UPRT: variants seen among roughly 807,000 people sequenced by gnomAD.
The protein encoded by UPRT is RP11-311P8.3.
In UPRT, 5 loss-of-function variants were observed where a neutral mutation model predicts 22.6. The ratio of observed to expected loss-of-function variants is 0.22; its 90% confidence interval spans 0.12 to 0.47. The LOEUF (loss-of-function observed/expected upper bound fraction) is 0.47, where lower values mean the gene tolerates loss of function less well. Ranked by LOEUF, UPRT falls within the 20% of genes least tolerant of loss-of-function variation. The pLI is 0.99. For synonymous variants in UPRT, 77 were observed against 87.7 expected (o/e 0.88, Z 0.68); for missense variants, 181 against 239.9 (o/e 0.75, Z 1.62).
At position 75,304,120 on chromosome X, in the gene UPRT, C is replaced by G. The variant is rs1374645964; in HGVS notation, c.*609C>G. 1 of 111,874 alleles carries G rather than the reference C, an allele frequency of 8.9e-6. No homozygotes were observed. The highest frequency in any genetic ancestry group is 3.3e-5 in the African/African-American group (1 of 30,739). 9.2% of individuals were successfully genotyped at this position (111,874 alleles called of 1,213,427 possible). A position where few individuals can be genotyped will look rare whatever the true frequency, so the allele number is the denominator to read the frequency against. ...TCCCAAACTGCATTGTTGGTAGGTG[C>G]CTTGCTAAGCTGTAATGCAGTGAAG... On this transcript the variant is annotated 3_prime_UTR_variant, in exon 7 of 7. Transcript: ENST00000373383.
At chrX:75,248,994 C>G (rs1372577349) in intron 4 of UPRT, among the ~76,000 whole-genome samples, 1 of 111,374 alleles carries the variant, frequency 9.0e-6, no homozygotes, top group Non-Finnish European at 1.9e-5. Flanking sequence ...AAATACTTTA[C>G]AGACAAGCAA....
intron 1 of UPRT, among the ~76,000 whole-genome samples, chrX:75,284,832 G>T (rs772922520): frequency 1.8e-4 from 20 of 111,695 alleles, no homozygotes; most frequent in Non-Finnish European, 3.2e-4. Context: ...TATGGAGAGG[G>T]ACTGGTGGTG....
intron 4 of UPRT, among the ~76,000 whole-genome samples, chrX:75,188,671 C>T (rs13362950): frequency 0.029 from 3,230 of 112,458 alleles, 117 homozygotes; most frequent in African/African-American, 0.1. Context: ...TAGCAATCAG[C>T]GAGACTTCGT....
chrX:75,254,221 G>A (rs769354168), intron 4 of UPRT, among the ~76,000 whole-genome samples: 17 of 111,631 alleles, frequency 1.5e-4, no homozygotes, highest in African/African-American at 5.2e-4. Context: ...CAGGAGGTTA[G>A]TTATTAACCT....
intron 4 of UPRT, among the ~76,000 whole-genome samples, chrX:75,262,052 CA>C (rs1408383629): frequency 9.0e-6 from 1 of 111,389 alleles, no homozygotes; most frequent in Non-Finnish European, 1.9e-5. Flanking sequence ...AGCTTACCCA[CA>C]AAAAGAAGCC....
rs1183821197 is a variant in UPRT at position 75,173,750 on chromosome X, G to T, written c.-447+5871G>T. ...GGTCCTGAGCCCTGCCCCGCGGGAA[G>T]GCAGCTAAGGCTCGGTGAGAAATTG... On this transcript the variant is annotated intron_variant, in intron 4 of 13. Transcript: ENST00000652605. Among the ~76,000 whole-genome samples the T allele has an allele frequency of 3.6e-5, 4 of 111,870 alleles. No individual in the cohort carries two copies. In the East Asian group the frequency reaches 1.1e-3, roughly 32 times the overall value.
chrX:75,210,705 G>A (rs1162464071), intron 4 of UPRT, among the ~76,000 whole-genome samples: 2 of 109,283 alleles, frequency 1.8e-5, no homozygotes, highest in African/African-American at 6.7e-5. Context: ...TTGCCAGGTT[G>A]AAATTAGAGG....
rs1434326772 is a variant in UPRT at position 75,232,986 on chromosome X, C to A, written c.-446-58038C>A. Among the ~76,000 whole-genome samples, 4 of 111,678 alleles carry A rather than the reference C, an allele frequency of 3.6e-5. No individual in the cohort carries two copies. The East Asian group carries it at 1.1e-3, about 31-fold the overall frequency. On this transcript the variant is annotated intron_variant, in intron 4 of 13. Transcript: ENST00000652605. ...GAAGGCTTCAGAAGATCAAATTACT[C>A]CGAGCTACGGGAGGACATTCAAACC...
chrX:75,184,188 A>C (rs1392722014), intron 4 of UPRT, among the ~76,000 whole-genome samples: 1 of 111,213 alleles, frequency 9.0e-6, no homozygotes, highest in Non-Finnish European at 1.9e-5. Context: ...TCCATCTTGA[A>C]TTGATTTTTG....
intron 4 of UPRT, 80 bp downstream of exon 4, chrX:75,297,633 T>A: frequency 9.5e-7 from 1 of 1,050,288 alleles, no homozygotes; most frequent in Non-Finnish European, 1.3e-6. Context: ...GGCAGGCTTG[T>A]CTGTCATAAT....
chrX:75,203,604 C>G (rs1052271919), intron 4 of UPRT, among the ~76,000 whole-genome samples: 1 of 110,223 alleles, frequency 9.1e-6, no homozygotes, highest in Non-Finnish European at 1.9e-5. Context: ...AGTGGGAGAC[C>G]AGCTTAATGC....
At chrX:75,272,312 G>GTATATATACATATATATGTATATA (rs1569279422), upstream of UPRT, among the ~76,000 whole-genome samples, 5 of 10,957 alleles carry the variant, frequency 4.6e-4, no homozygotes, top group African/African-American at 6.2e-4. Context: ...ATATATATGT[G>GTATATATACATATATATGTATATA]TATATATACA....
intron 4 of UPRT, among the ~76,000 whole-genome samples, chrX:75,238,180 A>G (rs955994884): frequency 9.0e-6 from 1 of 111,586 alleles, no homozygotes; most frequent in Non-Finnish European, 1.9e-5. Context: ...TAAAAGATGC[A>G]GAATGGCAGA....
intron 3 of UPRT, among the ~76,000 whole-genome samples, chrX:75,297,024 C>T (rs2082728289): frequency 9.0e-6 from 1 of 111,391 alleles, no homozygotes; most frequent in Non-Finnish European, 1.9e-5. Flanking sequence ...TTGAGCATGT[C>T]TTAATAACTA....
chrX:75,260,571 C>T, intron 4 of UPRT, among the ~76,000 whole-genome samples: 1 of 112,236 alleles, frequency 8.9e-6, no homozygotes, highest in Non-Finnish European at 1.9e-5. Flanking sequence ...AATATATATG[C>T]ACTGAATACA....
intron 4 of UPRT, among the ~76,000 whole-genome samples, chrX:75,211,332 G>A (rs1339031325): frequency 9.0e-6 from 1 of 111,395 alleles, no homozygotes; most frequent in Non-Finnish European, 1.9e-5. Context: ...AGGCCGGAGT[G>A]GCTGGAGTGG....
intron 4 of UPRT, among the ~76,000 whole-genome samples, chrX:75,213,291 G>A (rs1229973579): frequency 2.7e-5 from 3 of 112,142 alleles, no homozygotes; most frequent in African/African-American, 9.7e-5. Context: ...AGTCAAGTAA[G>A]GGGTTATATA....
chrX:75,215,017 C>T (rs1038292752), intron 4 of UPRT, among the ~76,000 whole-genome samples: 1 of 110,542 alleles, frequency 9.0e-6, no homozygotes. Flanking sequence ...CAGGAGAAAA[C>T]TTTTGAAAGT....
At chrX:75,184,200 ATAAGGT>A (rs2082281149) in intron 4 of UPRT, among the ~76,000 whole-genome samples, 1 of 111,443 alleles carries the variant, frequency 9.0e-6, no homozygotes, top group Admixed American at 9.5e-5. Flanking sequence ...TGATTTTTGT[ATAAGGT>A]GTAAGGAAGG....
Sources: allele counts gnomAD v4.1 joint callset (sites outside exome capture counted in the v4.1 genomes callset), GRCh38; gene constraint gnomAD v4.1.1; transcripts MANE v1.5; gene names NCBI Gene and HGNC (gene_info 2026-07-23, HGNC 2026-07-21).